The following NBAS variants were observed in gnomAD, a reference collection of about 807,000 sequenced individuals.
NBAS encodes NAG/BC035112 fusion.
In NBAS, 219 loss-of-function variants were observed where a neutral mutation model predicts 302.5. That is an observed-to-expected ratio of 0.72 (90% CI 0.65 to 0.81). NBAS has a LOEUF of 0.81. Among genes scored for constraint, NBAS ranks in the 30% least tolerant of loss-of-function variants. NBAS has a pLI of 0.00. For missense variants in NBAS, 2,932 were observed against 2,841.6 expected (o/e 1.03, Z -0.72); for synonymous variants, 1,118 against 1,021.6 (o/e 1.09, Z -1.80).
At chr2:15,428,906 G>A (rs1259807401) in intron 21 of NBAS, among the ~76,000 whole-genome samples, 1 of 147,954 alleles carries the variant, frequency 6.8e-6, no homozygotes, top group Non-Finnish European at 1.5e-5. Context: ...AGCCAGGTGT[G>A]GAGGTGGCTG....
At chr2:14,941,564 G>C in the NBAS span, among the ~76,000 whole-genome samples, 4 of 152,190 alleles carry the variant, frequency 2.6e-5, no homozygotes, top group African/African-American at 9.7e-5. Context: ...GCAGATGGAT[G>C]GTCTGCTGAC....
At chr2:14,915,139 C>T in the NBAS span, among the ~76,000 whole-genome samples, 28 of 152,320 alleles carry the variant, frequency 1.8e-4, no homozygotes, top group African/African-American at 4.3e-4. Flanking sequence ...ATAATGGAGA[C>T]GGCAGATACA....
At chr2:15,143,414 T>G in the NBAS span, among the ~76,000 whole-genome samples, 2 of 152,222 alleles carry the variant, frequency 1.3e-5, no homozygotes, top group Non-Finnish European at 2.9e-5. Context: ...GGAGCAGTTT[T>G]GATCCTGAGG....
chr2:15,265,183 A>G (rs1397742419), intron 44 of NBAS, among the ~76,000 whole-genome samples: 1 of 152,198 alleles, frequency 6.6e-6, no homozygotes, highest in Non-Finnish European at 1.5e-5. Flanking sequence ...CTACATGGCT[A>G]TATCAGGCTA....
chr2:15,064,608 G>A, the NBAS span, among the ~76,000 whole-genome samples: 9 of 152,044 alleles, frequency 5.9e-5, no homozygotes, highest in South Asian at 2.1e-4. Context: ...GTCCAAGACC[G>A]TATGGTTTCA....
chr2:15,489,359 G>A (rs1238034224), intron 11 of NBAS, among the ~76,000 whole-genome samples: 2 of 152,000 alleles, frequency 1.3e-5, no homozygotes, highest in Non-Finnish European at 2.9e-5. Context: ...GGTTGGTCTT[G>A]ACTAGATTGT....
the NBAS span, among the ~76,000 whole-genome samples, chr2:15,147,575 A>C: frequency 6.6e-6 from 1 of 152,072 alleles, no homozygotes; most frequent in Admixed American, 6.5e-5. Context: ...CTGGGCAACA[A>C]GAGCGAAACT....
At chr2:15,410,162 C>G (rs1199781723) in intron 25 of NBAS, among the ~76,000 whole-genome samples, 2 of 152,106 alleles carry the variant, frequency 1.3e-5, no homozygotes, top group Admixed American at 6.5e-5. Flanking sequence ...TTTAAAGAGC[C>G]ATGGCATTAT....
At chr2:14,864,357 G>A in the NBAS span, among the ~76,000 whole-genome samples, 1 of 150,020 alleles carries the variant, frequency 6.7e-6, no homozygotes, top group Non-Finnish European at 1.5e-5. Flanking sequence ...GAATAAAACA[G>A]CCAAGACTTG....
intron 48 of NBAS, among the ~76,000 whole-genome samples, chr2:15,211,897 C>T (rs1053226591): frequency 3.3e-5 from 5 of 152,092 alleles, no homozygotes; most frequent in East Asian, 1.9e-4. Flanking sequence ...ACAGAGCGTC[C>T]CTATATCTCC....
At chr2:14,808,363 C>A in the NBAS span, among the ~76,000 whole-genome samples, 95 of 152,272 alleles carry the variant, frequency 6.2e-4, no homozygotes, top group African/African-American at 2.0e-3. Context: ...GGCTCTGTAT[C>A]CCCATCCAAA....
At chr2:15,216,540 T>G (rs2147877521) in intron 48 of NBAS, among the ~76,000 whole-genome samples, 1 of 152,336 alleles carries the variant, frequency 6.6e-6, no homozygotes, top group Non-Finnish European at 1.5e-5. Flanking sequence ...CCAAGTTGCC[T>G]TAAGTTCTGC....
At chr2:15,228,460 C>T (rs1368499137) in intron 47 of NBAS, among the ~76,000 whole-genome samples, 1 of 152,150 alleles carries the variant, frequency 6.6e-6, no homozygotes, top group Non-Finnish European at 1.5e-5. Context: ...ATAGGACTAC[C>T]ATTTGATGCA....
chr2:14,934,511 G>A, the NBAS span, among the ~76,000 whole-genome samples: 1 of 152,092 alleles, frequency 6.6e-6, no homozygotes, highest in African/African-American at 2.4e-5. Context: ...TGAGTAGTAT[G>A]ATTGGACCCA....
At chr2:15,177,630 G>A (rs981167206) in intron 51 of NBAS, among the ~76,000 whole-genome samples, 10 of 151,854 alleles carry the variant, frequency 6.6e-5, no homozygotes, top group African/African-American at 2.2e-4. Context: ...TACGAGGGTG[G>A]GGAGGAAAAA....
chr2:15,437,171 G>C (rs55968236), intron 21 of NBAS, among the ~76,000 whole-genome samples: 11,029 of 151,730 alleles, frequency 0.073, 486 homozygotes, highest in East Asian at 0.12. Flanking sequence ...CTGTGTATGA[G>C]CACTTATGAG....
chr2:15,203,152 C>T (rs1351464807), intron 48 of NBAS, among the ~76,000 whole-genome samples: 1 of 152,128 alleles, frequency 6.6e-6, no homozygotes, highest in Non-Finnish European at 1.5e-5. Context: ...CATACACATA[C>T]ACCTTTACAT....
At chr2:14,975,458 T>C in the NBAS span, among the ~76,000 whole-genome samples, 1 of 152,226 alleles carries the variant, frequency 6.6e-6, no homozygotes, top group South Asian at 2.1e-4. Context: ...CTTGGTTCAC[T>C]CAGAGCAAAT....
intron 38 of NBAS, among the ~76,000 whole-genome samples, chr2:15,322,778 T>C (rs931350741): frequency 6.6e-6 from 1 of 152,214 alleles, no homozygotes; most frequent in Non-Finnish European, 1.5e-5. Context: ...CCTTCAATTC[T>C]GCTGAGTTTC....
Sources: gnomAD v4.1 joint callset for allele counts (sites outside exome capture counted in the v4.1 genomes callset) on GRCh38, gnomAD v4.1.1 for gene constraint, MANE v1.5 for transcripts, NCBI Gene and HGNC (gene_info 2026-07-23, HGNC 2026-07-21) for gene names.